PCSK5: variants seen among roughly 807,000 people sequenced by gnomAD.
The protein encoded by PCSK5 is proprotein convertase subtilisin/kexin type 5, also known as prohormone convertase 5.
In PCSK5, 129 loss-of-function variants were observed where a neutral mutation model predicts 233.2. The observed-to-expected ratio is 0.55, with a 90% CI of 0.48 to 0.64. The LOEUF is 0.64. PCSK5 is among the 30% of genes least tolerant of loss of function. The probability of loss-of-function intolerance (pLI) is 0.00; values close to 1 mark genes in which losing one functional copy is unlikely to be tolerated. For missense variants in PCSK5, 2,076 were observed against 2,430.1 expected (o/e 0.85, Z 3.06); for synonymous variants, 825 against 879.2 (o/e 0.94, Z 1.09).
chr9:76,002,931 G>A (rs1422619302), intron 3 of PCSK5, among the ~76,000 whole-genome samples: 1 of 152,232 alleles, frequency 6.6e-6, no homozygotes, highest in Non-Finnish European at 1.5e-5. Flanking sequence ...TACGAAAAAA[G>A]TGAGAGCCTT....
chr9:76,278,857 A>C (rs184069898), intron 24 of PCSK5, among the ~76,000 whole-genome samples: 14 of 152,324 alleles, frequency 9.2e-5, no homozygotes, highest in Non-Finnish European at 2.9e-5. Context: ...ATCTTATATA[A>C]GTGAACAGGC....
intron 37 of PCSK5, among the ~76,000 whole-genome samples, chr9:76,356,854 T>C (rs1030599351): frequency 7.9e-5 from 12 of 152,202 alleles, no homozygotes; most frequent in African/African-American, 2.7e-4. Flanking sequence ...AGAATGTACC[T>C]GTGTAGGATG....
In PCSK5 at chr9:76,361,206, ATGT is replaced by A. The variant is rs1192360343; in HGVS notation, c.*2287_*2289del. ...CTAAAAATACAATAAAAATCTGGGC[ATGT>A]TGGTGCACACCTGTAATCCCAGCTA... On this transcript the variant is annotated 3_prime_UTR_variant, in exon 38 of 38. Transcript: ENST00000674117. 1.3e-5 allele frequency: 2 copies of A among 152,058 alleles called. No homozygotes were observed. The highest frequency in any genetic ancestry group is 2.9e-5 in the Non-Finnish European group (2 of 68,028). 9.4% of individuals were successfully genotyped at this position (152,058 alleles called of 1,614,324 possible). A position where few individuals can be genotyped will look rare whatever the true frequency, so the allele number is the denominator to read the frequency against.
intron 3 of PCSK5, among the ~76,000 whole-genome samples, chr9:76,009,380 C>T (rs1827624301): frequency 6.6e-6 from 1 of 151,516 alleles, no homozygotes; most frequent in Admixed American, 6.6e-5. Flanking sequence ...ATCCTACTAC[C>T]CACTTTGGGA....
At chr9:76,209,225 T>C (rs564609302) in intron 20 of PCSK5, among the ~76,000 whole-genome samples, 1 of 152,210 alleles carries the variant, frequency 6.6e-6, no homozygotes, top group African/African-American at 2.4e-5. Flanking sequence ...TCCAGCGTAA[T>C]GTACACACCT....
intron 5 of PCSK5, among the ~76,000 whole-genome samples, chr9:76,053,436 GTTC>G (rs1563998279): frequency 6.6e-6 from 1 of 152,178 alleles, no homozygotes; most frequent in African/African-American, 2.4e-5. Context: ...CCGAAAATGG[GTTC>G]TTCTTTTCTA....
At position 76,170,480 on chromosome 9, in the gene PCSK5, A is replaced by G. The variant is rs964807121; in HGVS notation, c.1756+640A>G. Among the ~76,000 whole-genome samples the G allele has an allele frequency of 2.0e-5, 3 of 152,212 alleles. No homozygotes were observed. The South Asian group carries it at 6.2e-4, about 32-fold the overall frequency. ...CTAACCTGTAAAGCTTGTTTATAAT[A>G]TAAAATAAGGGAAAGTACAAGGCAA... On this transcript the variant is annotated intron_variant, in intron 13 of 37. Coordinates refer to ENST00000674117, the MANE Select transcript of PCSK5 (RefSeq NM_001372043.1).
chr9:76,008,278 C>CT (rs1394087315), intron 3 of PCSK5, among the ~76,000 whole-genome samples: 1 of 152,000 alleles, frequency 6.6e-6, no homozygotes, highest in Non-Finnish European at 1.5e-5. Context: ...TTTTTTCCTA[C>CT]TTATGATATA....
chr9:76,310,415 C>T (rs1489097670), intron 29 of PCSK5, among the ~76,000 whole-genome samples: 1 of 152,100 alleles, frequency 6.6e-6, no homozygotes, highest in East Asian at 1.9e-4. Context: ...AAGGAAGCCC[C>T]ATCATGACCT....
chr9:76,348,095 A>G (rs896153999), intron 35 of PCSK5, among the ~76,000 whole-genome samples: 3 of 151,706 alleles, frequency 2.0e-5, no homozygotes, highest in African/African-American at 7.3e-5. Context: ...ACATAATGAG[A>G]CCTCATCTCT....
intron 3 of PCSK5, among the ~76,000 whole-genome samples, chr9:76,004,972 G>C (rs531097404): frequency 3.9e-5 from 6 of 152,202 alleles, no homozygotes; most frequent in Non-Finnish European, 7.3e-5. Flanking sequence ...TCAGCAGACA[G>C]AGCTAAGAAG....
At chr9:76,336,712 T>C (rs937008153) in intron 34 of PCSK5, among the ~76,000 whole-genome samples, 1 of 152,190 alleles carries the variant, frequency 6.6e-6, no homozygotes, top group Non-Finnish European at 1.5e-5. Flanking sequence ...ACATTAATTA[T>C]TTATAATGTG....
At chr9:75,893,171 A>T (rs1284379003) in intron 1 of PCSK5, among the ~76,000 whole-genome samples, 1 of 152,160 alleles carries the variant, frequency 6.6e-6, no homozygotes, top group Non-Finnish European at 1.5e-5. Context: ...CATCTCACAC[A>T]TGACCAGGCA....
chr9:76,202,287 T>C (rs1247470897), intron 20 of PCSK5, among the ~76,000 whole-genome samples: 1 of 152,234 alleles, frequency 6.6e-6, no homozygotes. Context: ...ATCAAGCTAC[T>C]TCTCACCTGG....
In PCSK5 at chr9:75,963,708, G is replaced by A. The variant is rs1050233312; in HGVS notation, c.298-22424G>A. Among the ~76,000 whole-genome samples, 6 of 152,126 alleles carry A rather than the reference G, an allele frequency of 3.9e-5. No individual in the cohort carries two copies. The South Asian group carries it at 6.2e-4, about 16-fold the overall frequency. On this transcript the variant is annotated intron_variant, in intron 2 of 37. Transcript: ENST00000674117. ...AGCCTGACCAACATGGTGAAACCCC[G>A]TCTCTACTAAAAATACAAAAATTAG... is the stretch of plus-strand genomic sequence containing the variant.
intron 24 of PCSK5, among the ~76,000 whole-genome samples, chr9:76,263,005 C>T (rs1827226819): frequency 6.6e-6 from 1 of 151,960 alleles, no homozygotes; most frequent in African/African-American, 2.4e-5. Flanking sequence ...GACATTTATG[C>T]CACCAAAAAA....
chr9:75,956,591 G>A (rs1218832900), intron 2 of PCSK5, among the ~76,000 whole-genome samples: 1 of 152,128 alleles, frequency 6.6e-6, no homozygotes, highest in Non-Finnish European at 1.5e-5. Context: ...GAAGTAGAGT[G>A]ACTCAAAATT....
At chr9:76,100,168 T>TTA (rs1211932757) in intron 8 of PCSK5, among the ~76,000 whole-genome samples, 16 of 152,208 alleles carry the variant, frequency 1.1e-4, no homozygotes, top group African/African-American at 3.6e-4. Context: ...AGCAATGACC[T>TTA]TATATCTTAT....
chr9:75,964,117 T>A (rs1360636892), intron 2 of PCSK5, among the ~76,000 whole-genome samples: 2 of 152,210 alleles, frequency 1.3e-5, no homozygotes, highest in Non-Finnish European at 2.9e-5. Context: ...TCATTGTGGT[T>A]CTTGGTGAGC....
Sources: gnomAD v4.1 joint callset for allele counts (sites outside exome capture counted in the v4.1 genomes callset) on GRCh38, gnomAD v4.1.1 for gene constraint, MANE v1.5 for transcripts, NCBI Gene and HGNC (gene_info 2026-07-23, HGNC 2026-07-21) for gene names.